The following KCNU1 variants were observed in gnomAD, a reference collection of about 807,000 sequenced individuals.
The protein encoded by KCNU1 is potassium calcium-activated channel subfamily U member 1, also known as potassium channel subfamily U member 1.
In KCNU1, 93 loss-of-function variants were observed where a neutral mutation model predicts 126.8. The ratio of observed to expected loss-of-function variants is 0.73; its 90% CI spans 0.62 to 0.87. The LOEUF (loss-of-function observed/expected upper bound fraction) is 0.87, where lower values mean the gene tolerates loss of function less well. KCNU1 is among the 40% of genes least tolerant of loss of function. The probability of loss-of-function intolerance (pLI) is 0.00; values close to 1 mark genes in which losing one functional copy is unlikely to be tolerated. For missense variants in KCNU1, 1,330 were observed against 1,367.1 expected, an observed-to-expected ratio of 0.97 and a Z score of 0.43; for synonymous variants, 523 against 494.2, an observed-to-expected ratio of 1.06 and a Z score of -0.77.
chr8:36,847,710 T>C (rs1335596269), intron 18 of KCNU1, among the ~76,000 whole-genome samples: 1 of 152,240 alleles, frequency 6.6e-6, no homozygotes, highest in African/African-American at 2.4e-5. Flanking sequence ...TCTTCATCTA[T>C]TTATCTTTTG....
intron 12 of KCNU1, among the ~76,000 whole-genome samples, chr8:36,835,456 C>A (rs1308133584): frequency 6.6e-6 from 1 of 151,976 alleles, no homozygotes; most frequent in Non-Finnish European, 1.5e-5. Flanking sequence ...GCAGTTCTGC[C>A]TCAGCCTTCC....
At chr8:36,920,723 T>C (rs1234741425) in intron 23 of KCNU1, among the ~76,000 whole-genome samples, 4 of 152,170 alleles carry the variant, frequency 2.6e-5, no homozygotes, top group Non-Finnish European at 4.4e-5. Flanking sequence ...TGTGTGTGTG[T>C]GCGTGCGCGC....
At chr8:36,786,544 A>G (rs989524312) in intron 1 of KCNU1, among the ~76,000 whole-genome samples, 2 of 151,978 alleles carry the variant, frequency 1.3e-5, no homozygotes, top group African/African-American at 4.8e-5. Context: ...AGTCAGAGGG[A>G]CTCATCTAGC....
intron 10 of KCNU1, among the ~76,000 whole-genome samples, chr8:36,831,378 G>A (rs1343441262): frequency 2.0e-5 from 3 of 151,480 alleles, no homozygotes; most frequent in Non-Finnish European, 1.5e-5. Context: ...CCCACCAACA[G>A]TGTAAAAGTG....
intron 1 of KCNU1, among the ~76,000 whole-genome samples, chr8:36,785,979 G>C (rs962400536): frequency 6.6e-5 from 10 of 152,120 alleles, no homozygotes; most frequent in Non-Finnish European, 1.3e-4. Flanking sequence ...CAACCAGAAT[G>C]CTGTACCATT....
At chr8:36,863,171 A>G (rs1330500378) in intron 18 of KCNU1, among the ~76,000 whole-genome samples, 1 of 152,124 alleles carries the variant, frequency 6.6e-6, no homozygotes, top group Non-Finnish European at 1.5e-5. Flanking sequence ...TGATGTTTTT[A>G]TGGATTAGAA....
chr8:36,848,773 A>C (rs1020614089), intron 18 of KCNU1, among the ~76,000 whole-genome samples: 4 of 152,140 alleles, frequency 2.6e-5, no homozygotes, highest in Non-Finnish European at 4.4e-5. Flanking sequence ...CTGAGAATCC[A>C]TATGAAAAGG....
chr8:36,828,960 A>G (rs548604988), intron 10 of KCNU1, among the ~76,000 whole-genome samples: 1 of 152,186 alleles, frequency 6.6e-6, no homozygotes, highest in South Asian at 2.1e-4. Context: ...TTTGCAATGA[A>G]ATCAATGTCA....
At chr8:36,914,646 G>A (rs1203289101) in intron 22 of KCNU1, among the ~76,000 whole-genome samples, 3 of 152,160 alleles carry the variant, frequency 2.0e-5, no homozygotes, top group South Asian at 4.1e-4. Context: ...GAATCAGTGA[G>A]AATGCCAGGC....
intron 19 of KCNU1, among the ~76,000 whole-genome samples, chr8:36,895,109 G>C (rs1017000040): frequency 3.3e-5 from 5 of 151,028 alleles, no homozygotes; most frequent in Admixed American, 3.3e-4. Context: ...TTTGGAAACA[G>C]AATCTCACTC....
chr8:36,835,316 C>T (rs940723192), intron 12 of KCNU1, among the ~76,000 whole-genome samples: 1 of 151,670 alleles, frequency 6.6e-6, no homozygotes, highest in Admixed American at 6.6e-5. Context: ...TTTTGTTTGA[C>T]CATCAGTAAG....
intron 19 of KCNU1, among the ~76,000 whole-genome samples, chr8:36,881,415 G>T (rs1167521962): frequency 6.6e-6 from 1 of 151,790 alleles, no homozygotes; most frequent in Admixed American, 6.6e-5. Context: ...GTAGGGATAG[G>T]GTCTCACTCT....
At chr8:36,920,976 G>A (rs370603230) in intron 23 of KCNU1, among the ~76,000 whole-genome samples, 79 of 152,242 alleles carry the variant, frequency 5.2e-4, no homozygotes, top group African/African-American at 1.9e-3. Flanking sequence ...ATTCTGAGTT[G>A]CTTGTCCAGC....
intron 10 of KCNU1, among the ~76,000 whole-genome samples, chr8:36,819,750 G>A (rs1182563498): frequency 6.6e-6 from 1 of 151,928 alleles, no homozygotes; most frequent in Non-Finnish European, 1.5e-5. Context: ...TTCCTTTAAA[G>A]CAATTATCAC....
At chr8:36,860,939 A>G (rs1805707144) in intron 18 of KCNU1, among the ~76,000 whole-genome samples, 2 of 150,664 alleles carry the variant, frequency 1.3e-5, no homozygotes, top group African/African-American at 2.4e-5. Context: ...AACATTCCAG[A>G]CTATTAATTG....
rs561379248 is a variant in KCNU1, at chr8:36,807,528, C to G, written c.656+78C>G. On this transcript the variant is annotated intron_variant, in intron 6 of 26. Coordinates refer to ENST00000399881, the MANE Select transcript of KCNU1 (RefSeq NM_001031836.3). ...GAATGTATTAACTGGACCCTAAACT[C>G]AATGCATTTCTTATCAGAATTTCAG... 1.9e-5 allele frequency: 19 copies of G among 994,158 alleles called. 1 individual carries two copies. The Admixed American group carries it at 2.7e-4, about 14-fold the overall frequency. 61.6% of individuals were successfully genotyped at this position (994,158 alleles called of 1,614,324 possible). A position where few individuals can be genotyped will look rare whatever the true frequency, so the allele number is the denominator to read the frequency against.
chr8:36,908,152 C>A (rs757953579), intron 20 of KCNU1, among the ~76,000 whole-genome samples: 6 of 152,118 alleles, frequency 3.9e-5, no homozygotes, highest in Non-Finnish European at 7.4e-5. Flanking sequence ...ATTAGCCATA[C>A]TCTGAAAGAA....
In KCNU1 at chr8:36,784,430, G is replaced by A. The variant is rs369264156; in HGVS notation, c.20G>A (p.Arg7Gln). The change falls in exon 1 of 27, where the codon CGA becomes CAA. Residue 7 changes from arginine to glutamine, a missense_variant. Transcript: ENST00000399881. MFQTKL[R>Q]NETWEDLPKM... ...TCGAACATGTTTCAGACTAAGCTAC[G>A]AAATGAAACTTGGGAAGACTTGCCA... The A allele has an allele frequency of 1.7e-5, 27 of 1,612,812 alleles. No individual in the cohort carries two copies. Among genetic ancestry groups the A allele is most frequent in the Middle Eastern group, 1.7e-4 (1 of 6,046 alleles).
intron 19 of KCNU1, among the ~76,000 whole-genome samples, chr8:36,872,331 T>G (rs1806132225): frequency 6.6e-6 from 1 of 151,734 alleles, no homozygotes; most frequent in South Asian, 2.1e-4. Context: ...CCAATAAGAG[T>G]CTTCTATGTA....
Sources: gnomAD v4.1 joint callset for allele counts (sites outside exome capture counted in the v4.1 genomes callset) on GRCh38, gnomAD v4.1.1 for gene constraint, MANE v1.5 for transcripts, NCBI Gene and HGNC (gene_info 2026-07-23, HGNC 2026-07-21) for gene names.